The following MTREX variants were observed in gnomAD, a reference collection of about 807,000 sequenced individuals.
The protein encoded by MTREX is Mtr4 exosome RNA helicase.
A neutral mutation model predicts 135.4 loss-of-function variants in MTREX; 76 were observed. The observed-to-expected ratio is 0.56, with a 90% CI of 0.47 to 0.68. MTREX has a LOEUF of 0.68. Among genes scored for constraint, MTREX ranks in the 30% least tolerant of loss-of-function variants. The probability of loss-of-function intolerance (pLI) is 0.00; values close to 1 mark genes in which losing one functional copy is unlikely to be tolerated. For synonymous variants in MTREX, 404 were observed against 401.6 expected, an observed-to-expected ratio of 1.01 and a Z score of -0.07; for missense variants, 920 against 1,262.1, an observed-to-expected ratio of 0.73 and a Z score of 4.11.
At chr5:55,369,440 C>A (rs1318948409) in intron 16 of MTREX, among the ~76,000 whole-genome samples, 1 of 152,146 alleles carries the variant, frequency 6.6e-6, no homozygotes, top group Non-Finnish European at 1.5e-5. Context: ...TATTGGTGCA[C>A]CTACCTTTGT....
At chr5:55,327,638 C>A in intron 3 of MTREX, 78 bp from the exon 4 acceptor site, 1 of 1,092,116 alleles carries the variant, frequency 9.2e-7, no homozygotes, top group Non-Finnish European at 1.4e-6. Flanking sequence ...TCCAAACCAT[C>A]ATTCATTATG....
At chr5:55,341,123 C>T (rs560152226) in intron 6 of MTREX, among the ~76,000 whole-genome samples, 64 of 152,224 alleles carry the variant, frequency 4.2e-4, no homozygotes, top group African/African-American at 1.3e-3. Flanking sequence ...TTCATTTTGT[C>T]GCCTCATGGA....
intron 25 of MTREX, among the ~76,000 whole-genome samples, chr5:55,418,061 C>T (rs1183260039): frequency 6.6e-5 from 10 of 151,172 alleles, no homozygotes; most frequent in South Asian, 4.2e-4. Context: ...GGTGAAACCC[C>T]GTCTCTACAA....
At chr5:55,403,121 A>G (rs1750750241) in intron 21 of MTREX, among the ~76,000 whole-genome samples, 1 of 152,062 alleles carries the variant, frequency 6.6e-6, no homozygotes, top group Admixed American at 6.6e-5. Flanking sequence ...AGGTCACTTA[A>G]GCCAAGGAGG....
At chr5:55,316,867 A>T (rs911452821) in intron 1 of MTREX, among the ~76,000 whole-genome samples, 1 of 152,194 alleles carries the variant, frequency 6.6e-6, no homozygotes, top group East Asian at 1.9e-4. Context: ...ATAATTCTAT[A>T]TGTAGGAAAC....
Position 55,410,534 on chromosome 5 carries a change from C to T in MTREX, c.2656C>T (p.Leu886Phe). The change falls in exon 23 of 27, where the codon CTC becomes TTC. Residue 886 changes from leucine (L) to phenylalanine (F), a missense_variant. By Grantham distance (22) the Leu-to-Phe change is conservative. This residue lies in a region of MTREX where 467 missense variants were observed against 589.7 expected (regional missense o/e 0.79). Coordinates refer to ENST00000230640, the MANE Select transcript of MTREX (RefSeq NM_015360.5). ...VACEISSADE[L>F]LLTEMMFNGL... is the part of the protein sequence containing the mutation. ...GTTTTGCCATTGTAGTGCTGATGAG[C>T]TCCTTCTAACTGAGATGATGTTTAA... The T allele has an allele frequency of 6.2e-7, 1 of 1,604,618 alleles. No individual in the cohort carries two copies. Among genetic ancestry groups the T allele is most frequent in the Non-Finnish European group, 8.5e-7 (1 of 1,173,922 alleles).
At position 55,424,948 on chromosome 5, in the gene MTREX, A is replaced by T. The variant is rs1242401311; in HGVS notation, c.*176A>T. On this transcript the variant is annotated 3_prime_UTR_variant, in exon 27 of 27. Coordinates refer to ENST00000230640, the MANE Select transcript of MTREX (RefSeq NM_015360.5). ...ATACATGTTTATACATAAGCATTAC[A>T]TTTTTTTAATAAAAATGTATACAGG... 4.7e-6 allele frequency: 3 copies of T among 637,952 alleles called. No homozygotes were observed. Among genetic ancestry groups the T allele is most frequent in the African/African-American group, 3.7e-5 (2 of 54,678 alleles). 39.5% of individuals were successfully genotyped at this position (637,952 alleles called of 1,614,324 possible). A position where few individuals can be genotyped will look rare whatever the true frequency, so the allele number is the denominator to read the frequency against.
chr5:55,424,455 CT>C, intron 26 of MTREX: 1 of 279,408 alleles, frequency 3.6e-6, no homozygotes, highest in Non-Finnish European at 6.8e-6. Flanking sequence ...TAGCATTTAT[CT>C]TTTTAAACAG....
intron 1 of MTREX, among the ~76,000 whole-genome samples, chr5:55,313,358 T>G (rs1288836027): frequency 2.0e-5 from 3 of 152,050 alleles, no homozygotes; most frequent in African/African-American, 7.2e-5. Flanking sequence ...GAGGATTGCT[T>G]TAGCTCTGGG....
intron 18 of MTREX, among the ~76,000 whole-genome samples, chr5:55,386,193 T>G (rs1750478881): frequency 6.6e-6 from 1 of 152,220 alleles, no homozygotes; most frequent in South Asian, 2.1e-4. Flanking sequence ...TTATTTTAAA[T>G]TGCTTGTTTC....
At position 55,405,889 on chromosome 5, in the gene MTREX, C is replaced by T. The variant is rs1039528036; in HGVS notation, c.2645+301C>T. Among the ~76,000 whole-genome samples, 11 of 152,112 alleles carry T rather than the reference C, an allele frequency of 7.2e-5. No homozygotes were observed. The East Asian group carries it at 1.7e-3, about 24-fold the overall frequency. On this transcript the variant is annotated intron_variant, in intron 22 of 26. Transcript: ENST00000230640. Reference sequence around the variant, plus strand: ...CTTAGATCTCAGTAATTAACACAAGCGCTCCTAGCATTTGTATGTATTTCC... The same window carrying T: ...CTTAGATCTCAGTAATTAACACAAGTGCTCCTAGCATTTGTATGTATTTCC...
At chr5:55,397,061 G>T (rs1750657718) in intron 19 of MTREX, among the ~76,000 whole-genome samples, 1 of 152,152 alleles carries the variant, frequency 6.6e-6, no homozygotes, top group Non-Finnish European at 1.5e-5. Context: ...GTTAACAAGA[G>T]TCTTTCATTC....
chr5:55,415,573 A>G (rs1049033702), intron 24 of MTREX, among the ~76,000 whole-genome samples: 1 of 152,202 alleles, frequency 6.6e-6, no homozygotes. Flanking sequence ...AGATATGTAC[A>G]TTTTTAAGCA....
At chr5:55,378,578 A>C in intron 17 of MTREX, 92 bp downstream of exon 17, 1 of 1,330,714 alleles carries the variant, frequency 7.5e-7, no homozygotes, top group East Asian at 2.6e-5. Flanking sequence ...ATTCTGATAA[A>C]ATGCTTCCTG....
chr5:55,332,164 A>G (rs1749488978), intron 5 of MTREX, among the ~76,000 whole-genome samples: 1 of 152,164 alleles, frequency 6.6e-6, no homozygotes, highest in African/African-American at 2.4e-5. Flanking sequence ...GAGAATCTAC[A>G]TTTTAACAAG....
At chr5:55,380,589 T>G (rs540724034) in intron 18 of MTREX, among the ~76,000 whole-genome samples, 1 of 152,336 alleles carries the variant, frequency 6.6e-6, no homozygotes, top group South Asian at 2.1e-4. Flanking sequence ...TTAACTGGTT[T>G]TCAGATGTTA....
intron 1 of MTREX, among the ~76,000 whole-genome samples, chr5:55,312,111 G>A (rs1749123179): frequency 6.6e-6 from 1 of 152,180 alleles, no homozygotes; most frequent in Middle Eastern, 3.4e-3. Flanking sequence ...AATTGCCCAG[G>A]TCCATTACTT....
chr5:55,320,677 A>G (rs1189768175), intron 1 of MTREX, among the ~76,000 whole-genome samples: 2 of 152,258 alleles, frequency 1.3e-5, no homozygotes, highest in Admixed American at 6.5e-5. Context: ...TGATAACAAC[A>G]TGTGTTAGTT....
chr5:55,394,740 T>C (rs1268767560), intron 19 of MTREX, among the ~76,000 whole-genome samples: 1 of 151,894 alleles, frequency 6.6e-6, no homozygotes, highest in Non-Finnish European at 1.5e-5. Context: ...AAAATAAAAA[T>C]GATAGTAAAG....
Sources: gnomAD v4.1 joint callset for allele counts (sites outside exome capture counted in the v4.1 genomes callset) on GRCh38, gnomAD v4.1.1 for gene constraint, gnomAD v4.1.1 regional missense constraint, MANE v1.5 for transcripts, NCBI Gene and HGNC (gene_info 2026-07-23, HGNC 2026-07-21) for gene names.